The following TRDN variants were observed in gnomAD, a reference collection of about 807,000 sequenced individuals.
TRDN encodes triadin.
TRDN carries 161 observed loss-of-function variants against 149.7 expected under a neutral mutation model. The observed-to-expected ratio is 1.08, with a 90% confidence interval of 0.95 to 1.23. TRDN has a LOEUF of 1.23. Ranked by LOEUF, TRDN falls within the 50% of genes most tolerant of loss-of-function variation. TRDN has a pLI of 0.00. For missense variants in TRDN, 896 were observed against 823.5 expected (o/e 1.09, Z -1.08); for synonymous variants, 294 against 250.5 (o/e 1.17, Z -1.64).
intron 9 of TRDN, among the ~76,000 whole-genome samples, chr6:123,473,393 A>C (rs1044006031): frequency 6.6e-6 from 1 of 151,720 alleles, no homozygotes; most frequent in Non-Finnish European, 1.5e-5. Context: ...AAGTTTAGAG[A>C]AAAAAGAATA....
chr6:123,260,364 A>G (rs1776720170), intron 34 of TRDN, among the ~76,000 whole-genome samples: 1 of 152,042 alleles, frequency 6.6e-6, no homozygotes, highest in African/African-American at 2.4e-5. Context: ...CACTTTTTAG[A>G]CAAAAGTGAG....
intron 12 of TRDN, among the ~76,000 whole-genome samples, chr6:123,408,116 T>C (rs56382900): frequency 0.38 from 57,339 of 151,948 alleles, 11,302 homozygotes; most frequent in Middle Eastern, 0.48. Flanking sequence ...TACTAATCAG[T>C]ACATTGAAAT....
chr6:123,416,706 C>CT (rs773305605), intron 12 of TRDN, among the ~76,000 whole-genome samples: 24 of 148,622 alleles, frequency 1.6e-4, no homozygotes, highest in African/African-American at 4.5e-4. Context: ...CTCTTTTTTT[C>CT]TTTTTTTTTA....
chr6:123,424,220 C>T (rs1322562319), intron 12 of TRDN, among the ~76,000 whole-genome samples: 1 of 152,132 alleles, frequency 6.6e-6, no homozygotes, highest in African/African-American at 2.4e-5. Flanking sequence ...AGGCATCAAA[C>T]TGAATAAAAA....
At chr6:123,363,199 AT>A in intron 20 of TRDN, among the ~76,000 whole-genome samples, 1 of 152,328 alleles carries the variant, frequency 6.6e-6, no homozygotes, top group African/African-American at 2.4e-5. Context: ...ACAAAAAAAA[AT>A]ACTTGCTTAT....
intron 1 of TRDN, among the ~76,000 whole-genome samples, chr6:123,609,926 G>C (rs1164480368): frequency 6.6e-6 from 1 of 152,132 alleles, no homozygotes; most frequent in Non-Finnish European, 1.5e-5. Flanking sequence ...TTGTTCAGTG[G>C]ATGGATGATA....
chr6:123,388,235 A>G (rs1289458750), intron 14 of TRDN, among the ~76,000 whole-genome samples: 1 of 152,132 alleles, frequency 6.6e-6, no homozygotes, highest in Non-Finnish European at 1.5e-5. Context: ...TATTTTACAT[A>G]GTTCTGAAAT....
chr6:123,448,391 CG>C (rs1350107278), intron 10 of TRDN, among the ~76,000 whole-genome samples: 14 of 152,192 alleles, frequency 9.2e-5, no homozygotes, highest in African/African-American at 3.4e-4. Flanking sequence ...GGGCTGTTGG[CG>C]GGGGACATGG....
chr6:123,394,914 G>C lies in TRDN; in HGVS notation c.1052-1237C>G, dbSNP rs911368003. On this transcript the variant is annotated intron_variant, in intron 12 of 40. Coordinates refer to ENST00000334268, the MANE Select transcript of TRDN (RefSeq NM_006073.4). ...GCTAGTACCATCTTTGTCAAACCTAGACTAAATGGTCTCAATTAGTAATTA... is the reference window on the plus strand; with the variant it reads ...GCTAGTACCATCTTTGTCAAACCTACACTAAATGGTCTCAATTAGTAATTA... Among the ~76,000 whole-genome samples the C allele has an allele frequency of 2.4e-4, 37 of 152,012 alleles. 1 individual carries two copies. Among genetic ancestry groups the C allele is most frequent in the African/African-American group, 8.7e-4 (36 of 41,498 alleles).
rs149659388 is a variant in TRDN, at chr6:123,424,946, A to C, written c.1051+13117T>G. Among the ~76,000 whole-genome samples the C allele has an allele frequency of 5.2e-3, 797 of 152,228 alleles. 3 individuals are homozygous for C. Among genetic ancestry groups the C allele is most frequent in the Non-Finnish European group, 8.3e-3 (566 of 68,010 alleles). ...AAGAAAAAACGTTCTCATTTTTCAA[A>C]GCTGCTGAAATTTTCAGGGGTTTTC... On this transcript the variant is annotated intron_variant, in intron 12 of 40. Transcript: ENST00000334268.
At chr6:123,317,164 C>A (rs902188059) in intron 23 of TRDN, among the ~76,000 whole-genome samples, 5 of 151,766 alleles carry the variant, frequency 3.3e-5, no homozygotes, top group Non-Finnish European at 7.4e-5. Flanking sequence ...TAGCACAACC[C>A]TAATCAATAA....
chr6:123,302,974 G>A (rs1226038022), intron 24 of TRDN, among the ~76,000 whole-genome samples: 5 of 151,958 alleles, frequency 3.3e-5, no homozygotes, highest in Non-Finnish European at 7.4e-5. Flanking sequence ...TATGTTTATA[G>A]TTTTTTAGGC....
intron 10 of TRDN, among the ~76,000 whole-genome samples, chr6:123,454,600 G>T (rs1775990034): frequency 6.6e-6 from 1 of 152,202 alleles, no homozygotes; most frequent in African/African-American, 2.4e-5. Flanking sequence ...CCCAACCCCT[G>T]TGCTGCAAGC....
chr6:123,256,445 C>T (rs547832567), intron 35 of TRDN, among the ~76,000 whole-genome samples: 3 of 152,268 alleles, frequency 2.0e-5, no homozygotes, highest in South Asian at 2.1e-4. Flanking sequence ...CTAATTCCCA[C>T]CAACATTGTA....
chr6:123,289,201 T>TA (rs1414704933), intron 24 of TRDN, among the ~76,000 whole-genome samples: 3 of 149,162 alleles, frequency 2.0e-5, no homozygotes, highest in Admixed American at 1.4e-4. Context: ...TATACAGCCT[T>TA]AAAAAAAAGA....
chr6:123,565,435 T>G (rs538096050), intron 2 of TRDN, among the ~76,000 whole-genome samples: 9 of 152,288 alleles, frequency 5.9e-5, no homozygotes, highest in Middle Eastern at 6.8e-3. Context: ...AAATCTTAAT[T>G]GCTCCCCATT....
intron 20 of TRDN, among the ~76,000 whole-genome samples, chr6:123,352,959 A>G (rs1780523304): frequency 6.6e-6 from 1 of 151,804 alleles, no homozygotes; most frequent in Non-Finnish European, 1.5e-5. Context: ...GCTCCTTTAT[A>G]TTCGTGCTTA....
At chr6:123,573,433 C>G (rs1289095814) in intron 1 of TRDN, among the ~76,000 whole-genome samples, 1 of 152,078 alleles carries the variant, frequency 6.6e-6, no homozygotes, top group African/African-American at 2.4e-5. Flanking sequence ...ACCAGCACAA[C>G]TATGACTCTC....
rs1166047585 is a variant in TRDN at position 123,351,816 on chromosome 6, A to C, written c.1369+723T>G. The C allele has an allele frequency of 3.2e-6, 3 of 930,740 alleles. No homozygotes were observed. In the African/African-American group the frequency reaches 5.3e-5, roughly 17 times the overall value. 57.7% of individuals were successfully genotyped at this position (930,740 alleles called of 1,614,324 possible). On this transcript the variant is annotated intron_variant, in intron 21 of 40. Coordinates refer to ENST00000334268, the MANE Select transcript of TRDN (RefSeq NM_006073.4). ...ATTACAATAAATATAGTATTATTAT[A>C]TAAGAGCAATGACATGAGGGAACGA...
Sources: allele counts gnomAD v4.1 joint callset (sites outside exome capture counted in the v4.1 genomes callset), GRCh38; gene constraint gnomAD v4.1.1; transcripts MANE v1.5; gene names NCBI Gene and HGNC (gene_info 2026-07-23, HGNC 2026-07-21).